The following ANKRD55 variants were observed in gnomAD, a reference collection of about 807,000 sequenced individuals.
The protein encoded by ANKRD55 is ankyrin repeat domain-containing protein 55.
A neutral mutation model predicts 60.6 loss-of-function variants in ANKRD55; 41 were observed. The ratio of observed to expected loss-of-function variants is 0.68; its 90% confidence interval spans 0.53 to 0.88. The LOEUF (loss-of-function observed/expected upper bound fraction) is 0.88. Ranked by LOEUF, ANKRD55 falls within the 40% of genes least tolerant of loss-of-function variation. ANKRD55 has a pLI of 0.00. For missense variants in ANKRD55, 732 were observed against 767.6 expected, an observed-to-expected ratio of 0.95 and a Z score of 0.55; for synonymous variants, 264 against 290.3, an observed-to-expected ratio of 0.91 and a Z score of 0.92.
chr5:56,146,575 C>T (rs368162722), intron 6 of ANKRD55, among the ~76,000 whole-genome samples: 12 of 152,288 alleles, frequency 7.9e-5, no homozygotes, highest in East Asian at 7.7e-4. Context: ...CCACTGCACC[C>T]GGCCGAATTT....
At chr5:56,167,665 C>T (rs932367839) in intron 5 of ANKRD55, among the ~76,000 whole-genome samples, 1 of 152,164 alleles carries the variant, frequency 6.6e-6, no homozygotes, top group South Asian at 2.1e-4. Flanking sequence ...TAACTAACTA[C>T]GTCATCTGCA....
At chr5:56,118,848 C>T (rs1756955746) in intron 8 of ANKRD55, among the ~76,000 whole-genome samples, 3 of 151,998 alleles carry the variant, frequency 2.0e-5, no homozygotes, top group South Asian at 4.2e-4. Context: ...CAATACACAC[C>T]TATGAAGATG....
At chr5:56,101,384 GA>G (rs1472931705) in intron 11 of ANKRD55, among the ~76,000 whole-genome samples, 2 of 149,048 alleles carry the variant, frequency 1.3e-5, no homozygotes, top group African/African-American at 2.4e-5. Flanking sequence ...CACTTAGGAG[GA>G]TGTGGAGGGG....
intron 5 of ANKRD55, among the ~76,000 whole-genome samples, 163 bp from the exon 6 acceptor site, chr5:56,160,056 G>C (rs1304137614): frequency 6.6e-6 from 1 of 152,104 alleles, no homozygotes; most frequent in African/African-American, 2.4e-5. Flanking sequence ...CAGAAAAGAA[G>C]CAAGAGTGTG....
intron 2 of ANKRD55, among the ~76,000 whole-genome samples, chr5:56,231,692 CACACAT>C (rs1232397492): frequency 2.7e-5 from 3 of 112,100 alleles, no homozygotes; most frequent in Non-Finnish European, 5.5e-5. Context: ...CACACACACA[CACACAT>C]ACACATACAC....
intron 6 of ANKRD55, among the ~76,000 whole-genome samples, chr5:56,146,398 C>T (rs919947976): frequency 1.3e-5 from 2 of 151,934 alleles, no homozygotes; most frequent in Admixed American, 1.3e-4. Flanking sequence ...GATTCTCCTA[C>T]CTCAGCCTCC....
chr5:56,226,800 A>G (rs929058674), intron 2 of ANKRD55, among the ~76,000 whole-genome samples: 1 of 152,206 alleles, frequency 6.6e-6, no homozygotes, highest in Non-Finnish European at 1.5e-5. Context: ...ACCATCTCAC[A>G]CCAGTTAGAA....
intron 2 of ANKRD55, among the ~76,000 whole-genome samples, chr5:56,186,260 C>T (rs531400055): frequency 6.6e-6 from 1 of 152,272 alleles, no homozygotes; most frequent in East Asian, 1.9e-4. Context: ...CTTGACCTCC[C>T]AGGCCCAAGT....
At chr5:56,148,257 A>G (rs749745499) in intron 6 of ANKRD55, among the ~76,000 whole-genome samples, 2 of 152,170 alleles carry the variant, frequency 1.3e-5, no homozygotes, top group East Asian at 1.9e-4. Context: ...CTGGAGTTTC[A>G]CTGAGGGATA....
In ANKRD55 at chr5:56,183,639, A is replaced by G; in HGVS notation, c.59-5T>C. The G allele has an allele frequency of 6.2e-7, 1 of 1,614,036 alleles. No individual in the cohort carries two copies. The highest frequency in any genetic ancestry group is 1.1e-5 in the South Asian group (1 of 91,052). Reference sequence around the variant, plus strand: ...CAACTTCCTCAGATGAGTCACCTTCATGCATAAAACAGACACAATGTTAGT... The same window carrying G: ...CAACTTCCTCAGATGAGTCACCTTCGTGCATAAAACAGACACAATGTTAGT... On this transcript the variant is annotated splice_region_variant and splice_polypyrimidine_tract_variant and intron_variant, in intron 2 of 11. Transcript: ENST00000341048.
chr5:56,136,865 G>A, intron 7 of ANKRD55: 2 of 366,230 alleles, frequency 5.5e-6, no homozygotes, highest in South Asian at 4.4e-5. Flanking sequence ...AGGCTGCAGT[G>A]AGCCATGATT....
intron 9 of ANKRD55, chr5:56,114,185 A>G: frequency 6.1e-6 from 1 of 163,672 alleles, no homozygotes; most frequent in Non-Finnish European, 1.3e-5. Flanking sequence ...AAAATTAGCC[A>G]GGGGTAGTAG....
intron 4 of ANKRD55, among the ~76,000 whole-genome samples, chr5:56,175,246 A>G (rs1361368996): frequency 6.6e-6 from 1 of 152,204 alleles, no homozygotes; most frequent in Admixed American, 6.5e-5. Context: ...GAAGTGATTT[A>G]ATTCAGCAGG....
intron 2 of ANKRD55, among the ~76,000 whole-genome samples, chr5:56,207,812 T>C (rs1004888559): frequency 2.6e-5 from 4 of 152,350 alleles, no homozygotes; most frequent in Middle Eastern, 3.4e-3. Context: ...TGTGCACTAC[T>C]GTAGACTTTA....
intron 6 of ANKRD55, among the ~76,000 whole-genome samples, chr5:56,151,629 C>T (rs954933070): frequency 6.6e-6 from 1 of 151,784 alleles, no homozygotes; most frequent in Non-Finnish European, 1.5e-5. Flanking sequence ...CCTGGCTAAC[C>T]TGGTGAAACC....
At chr5:56,144,378 A>G (rs1315450549) in intron 6 of ANKRD55, among the ~76,000 whole-genome samples, 1 of 152,196 alleles carries the variant, frequency 6.6e-6, no homozygotes, top group Non-Finnish European at 1.5e-5. Flanking sequence ...GCAGAGAGTA[A>G]GTTAAAGGAA....
intron 10 of ANKRD55, among the ~76,000 whole-genome samples, chr5:56,105,790 T>C (rs1005607519): frequency 6.6e-6 from 1 of 152,200 alleles, no homozygotes; most frequent in Non-Finnish European, 1.5e-5. Flanking sequence ...GGATCAGACC[T>C]AACCAGCCAG....
At chr5:56,130,957 G>GA (rs1757392369) in intron 7 of ANKRD55, among the ~76,000 whole-genome samples, 1 of 151,574 alleles carries the variant, frequency 6.6e-6, no homozygotes, top group Non-Finnish European at 1.5e-5. Flanking sequence ...AACAAAGACT[G>GA]AAAAAAACAG....
At chr5:56,138,220 C>A (rs1757664517) in intron 7 of ANKRD55, among the ~76,000 whole-genome samples, 1 of 151,574 alleles carries the variant, frequency 6.6e-6, no homozygotes, top group Non-Finnish European at 1.5e-5. Context: ...CTCTGCCTCC[C>A]AGGTTCAAAC....
Sources: gnomAD v4.1 joint callset for allele counts (sites outside exome capture counted in the v4.1 genomes callset) on GRCh38, gnomAD v4.1.1 for gene constraint, MANE v1.5 for transcripts, NCBI Gene and HGNC (gene_info 2026-07-23, HGNC 2026-07-21) for gene names.